LIPA: variants seen among roughly 807,000 people sequenced by gnomAD.
LIPA encodes the protein lysosomal acid lipase/cholesteryl ester hydrolase.
In LIPA, 26 loss-of-function variants were observed where a neutral mutation model predicts 40.6. That is an observed-to-expected ratio of 0.64 (90% CI 0.47 to 0.89). The LOEUF (loss-of-function observed/expected upper bound fraction) is 0.89. Among genes scored for constraint, LIPA ranks in the 40% least tolerant of loss-of-function variants. The pLI is 0.00. For missense variants in LIPA, 455 were observed against 479.6 expected (o/e 0.95, Z 0.48); for synonymous variants, 188 against 168.4 (o/e 1.12, Z -0.90).
At chr10:89,242,741 T>C (rs1842977814) in intron 3 of LIPA, among the ~76,000 whole-genome samples, 1 of 152,224 alleles carries the variant, frequency 6.6e-6, no homozygotes, top group Non-Finnish European at 1.5e-5. Flanking sequence ...AGCAGTATTT[T>C]TGTGTGTATT....
At chr10:89,367,339 C>T (rs1297874983) in intron 2 of LIPA, among the ~76,000 whole-genome samples, 1 of 152,128 alleles carries the variant, frequency 6.6e-6, no homozygotes, top group Admixed American at 6.6e-5. Context: ...AAAAAAAAGA[C>T]AGAGATCTGC....
upstream of LIPA, among the ~76,000 whole-genome samples, chr10:89,253,287 T>G (rs1398085799): frequency 6.6e-6 from 1 of 152,164 alleles, no homozygotes; most frequent in Non-Finnish European, 1.5e-5. Context: ...AGGAAAAAGG[T>G]TTAACTGACT....
intron 8 of LIPA, among the ~76,000 whole-genome samples, chr10:89,219,738 C>T (rs1344364304): frequency 1.3e-5 from 2 of 152,190 alleles, no homozygotes; most frequent in South Asian, 2.1e-4. Context: ...CCAGTGGCAG[C>T]CCCTGGCCAA....
chr10:89,228,396 G>T lies in LIPA; in HGVS notation c.232C>A (p.Pro78Thr), dbSNP rs903291078. Reference sequence around the variant, plus strand: ...TGTTGCAGGAAGACAACTGGTTTGGGACCTGAAAAACATTCATTGTTTAGG... The same window carrying T: ...TGTTGCAGGAAGACAACTGGTTTGGTACCTGAAAAACATTCATTGTTTAGG... ...HGRKNHSDKG[P>T]KPVVFLQHGL... The change falls in exon 4 of 10, where the codon CCC (proline) becomes ACC (threonine). Residue 78 changes from proline (P) to threonine (T), a missense_variant and splice_region_variant. Pro to Thr is a conservative substitution (Grantham distance 38). Coordinates refer to ENST00000336233, the MANE Select transcript of LIPA (RefSeq NM_000235.4). The T allele has an allele frequency of 8.1e-6, 13 of 1,613,972 alleles. No homozygotes were observed. In the African/African-American group the frequency reaches 1.3e-4, roughly 17 times the overall value.
chr10:89,215,312 T>C (rs1018432531), intron 9 of LIPA, among the ~76,000 whole-genome samples: 1 of 152,152 alleles, frequency 6.6e-6, no homozygotes, highest in Admixed American at 6.5e-5. Context: ...GGCACCAAAA[T>C]GAATGTTTAA....
intron 2 of LIPA, chr10:89,384,627 A>G (rs935239640): frequency 1.9e-6 from 3 of 1,614,112 alleles, no homozygotes; most frequent in Non-Finnish European, 2.5e-6. Flanking sequence ...GGGTTGTGGA[A>G]AGTGTCAGCC....
intron 1 of LIPA, chr10:89,339,370 T>C (rs1277572844): frequency 1.2e-6 from 2 of 1,613,870 alleles, no homozygotes; most frequent in Non-Finnish European, 1.7e-6. Flanking sequence ...AAAGTCTCCT[T>C]GCCAAACAGA....
At chr10:89,411,258 A>G (rs889299252) in intron 2 of LIPA, among the ~76,000 whole-genome samples, 22 of 151,970 alleles carry the variant, frequency 1.4e-4, no homozygotes, top group African/African-American at 4.8e-4. Context: ...TCAGGACAGG[A>G]CGGATAGATG....
chr10:89,270,404 G>A (rs1365599930), intron 1 of LIPA, among the ~76,000 whole-genome samples: 1 of 152,204 alleles, frequency 6.6e-6, no homozygotes, highest in Non-Finnish European at 1.5e-5. Context: ...GAAATAGCAA[G>A]CATTCTAGAC....
intron 2 of LIPA, among the ~76,000 whole-genome samples, chr10:89,354,038 TGCCTC>T: frequency 1.3e-5 from 2 of 152,228 alleles, no homozygotes; most frequent in Non-Finnish European, 2.9e-5. Flanking sequence ...CTCTGAAACT[TGCCTC>T]AATCTCTCTC....
intron 8 of LIPA, among the ~76,000 whole-genome samples, chr10:89,222,129 C>T (rs563304669): frequency 6.6e-6 from 1 of 151,332 alleles, no homozygotes; most frequent in East Asian, 1.9e-4. Flanking sequence ...CTTAAAATCA[C>T]TCTTTATGAA....
At chr10:89,239,114 TCA>T (rs1490198648) in intron 3 of LIPA, among the ~76,000 whole-genome samples, 1 of 152,206 alleles carries the variant, frequency 6.6e-6, no homozygotes, top group African/African-American at 2.4e-5. Context: ...ACGCATTATC[TCA>T]GATAAGTCAC....
intron 1 of LIPA, chr10:89,306,903 T>C (rs759583775): frequency 2.5e-6 from 4 of 1,613,996 alleles, no homozygotes; most frequent in Non-Finnish European, 2.5e-6. Flanking sequence ...CTGGAACTAA[T>C]AGGACACGCT....
chr10:89,411,537 A>G (rs1841469201), intron 2 of LIPA, among the ~76,000 whole-genome samples: 2 of 152,264 alleles, frequency 1.3e-5, no homozygotes, highest in South Asian at 4.1e-4. Flanking sequence ...CAACTAACGT[A>G]AAGTTTGCTA....
rs572094107 is a variant in LIPA at position 89,357,713 on chromosome 10, C to T, written c.61+55078G>A. On this transcript the variant is annotated intron_variant, in intron 2 of 8. Coordinates refer to the LIPA transcript ENST00000371837. Reference sequence around the variant, plus strand: ...TGGGAGGAGTGAGTTTTAATCTATTCAGGCTAAGATGGATCACTCAAAGGT... The same window carrying T: ...TGGGAGGAGTGAGTTTTAATCTATTTAGGCTAAGATGGATCACTCAAAGGT... Among the ~76,000 whole-genome samples, 5 of 152,260 alleles carry T rather than the reference C, an allele frequency of 3.3e-5. No homozygotes were observed. The South Asian group carries it at 1.0e-3, about 32-fold the overall frequency.
chr10:89,389,262 GA>G lies in LIPA; in HGVS notation c.61+23528del, dbSNP rs1471467113. 1.1e-4 allele frequency among the ~76,000 whole-genome samples: 17 copies of G among 152,304 alleles called. No homozygotes were observed. The East Asian group carries it at 3.3e-3, about 29-fold the overall frequency. ...GGAAAATCAAAGATGCAGGAACATGGAAATGGATTGATCGATTCAGTCAAGC... is the reference window on the plus strand; with the variant it reads ...GGAAAATCAAAGATGCAGGAACATGGAATGGATTGATCGATTCAGTCAAGC... On this transcript the variant is annotated intron_variant, in intron 2 of 8. Coordinates refer to the LIPA transcript ENST00000371837.
At position 89,339,640 on chromosome 10, in the gene LIPA, C is replaced by T. The variant is rs1265492063; in HGVS notation, c.-2+2971G>A. On this transcript the variant is annotated intron_variant, in intron 1 of 5. Coordinates refer to the LIPA transcript ENST00000282673. The stretch of plus-strand genomic sequence containing the variant: ...AGCTCTTGAGAAGGGACTGAATCCT[C>T]TGAATGCATACTCCGATCTCGCTGA... 5 of 1,614,084 alleles carry T rather than the reference C, an allele frequency of 3.1e-6. No individual in the cohort carries two copies. In the Admixed American group the frequency reaches 5.0e-5, roughly 16 times the overall value.
rs114056564 is a variant in LIPA at position 89,301,778 on chromosome 10, T to G, written c.-2+40833A>C. Among the ~76,000 whole-genome samples the G allele has an allele frequency of 3.9e-3, 587 of 152,348 alleles. 1 individual carries two copies. The highest frequency in any genetic ancestry group is 0.014 in the African/African-American group (562 of 41,578). ...CGAATATGAAATAAGAGAGGGACAG[T>G]GCACAAGAGCAATGTCCCCAGACCC... On this transcript the variant is annotated intron_variant, in intron 1 of 5. Coordinates refer to the LIPA transcript ENST00000282673.
intron 1 of LIPA, chr10:89,332,518 C>G: frequency 1.9e-6 from 3 of 1,608,820 alleles, no homozygotes; most frequent in Admixed American, 3.4e-5. Flanking sequence ...ACAGACCTAA[C>G]AGCACCCTGG....
Sources: gnomAD v4.1 joint callset for allele counts (sites outside exome capture counted in the v4.1 genomes callset) on GRCh38, gnomAD v4.1.1 for gene constraint, MANE v1.5 for transcripts, NCBI Gene and HGNC (gene_info 2026-07-23, HGNC 2026-07-21) for gene names.